The following COPG2 variants were observed in gnomAD, a reference collection of about 807,000 sequenced individuals.
The protein encoded by COPG2 is coatomer subunit gamma-2.
A neutral mutation model predicts 46.3 loss-of-function variants in COPG2; 37 were observed. The observed-to-expected ratio is 0.80, with a 90% confidence interval of 0.61 to 1.05. COPG2 has a LOEUF of 1.05. COPG2 is among the 50% of genes least tolerant of loss of function. The pLI is 0.00. For missense variants in COPG2, 427 were observed against 387.8 expected (o/e 1.10, Z -0.85); for synonymous variants, 159 against 129.7 (o/e 1.23, Z -1.53).
At chr7:130,545,419 T>C (rs1034447823) in intron 20 of COPG2, among the ~76,000 whole-genome samples, 25 of 152,264 alleles carry the variant, frequency 1.6e-4, no homozygotes, top group African/African-American at 5.8e-4. Context: ...ATGAGACATA[T>C]TGATGTTTAA....
chr7:130,611,141 G>A (rs1554452036), intron 8 of COPG2, 31 bp from the exon 9 acceptor site: 2 of 1,574,416 alleles, frequency 1.3e-6, no homozygotes, highest in Non-Finnish European at 8.7e-7. Context: ...GGTAGCACAT[G>A]GATTAGAAAG....
chr7:130,663,864 A>C (rs1474436184), intron 3 of COPG2, among the ~76,000 whole-genome samples: 3 of 148,020 alleles, frequency 2.0e-5, no homozygotes, highest in Non-Finnish European at 3.0e-5. Flanking sequence ...TCAGCCTCCC[A>C]AGTAGCTGTG....
chr7:130,568,035 T>C (rs1168934151), intron 9 of COPG2, among the ~76,000 whole-genome samples: 2 of 152,130 alleles, frequency 1.3e-5, no homozygotes, highest in African/African-American at 2.4e-5. Context: ...TCTCAGCACT[T>C]TGGGAGGCCG....
chr7:130,668,565 A>C (rs1438820772), intron 1 of COPG2, 67 bp downstream of exon 1: 1 of 1,420,336 alleles, frequency 7.0e-7, no homozygotes, highest in Non-Finnish European at 9.4e-7. Flanking sequence ...GCCTGAAAGC[A>C]GGTGGCGGCG....
chr7:130,540,356 A>C lies in COPG2; in HGVS notation c.2149+7318T>G, dbSNP rs1321375020. 1.4e-4 allele frequency among the ~76,000 whole-genome samples: 22 copies of C among 152,110 alleles called. No individual in the cohort carries two copies. The East Asian group carries it at 3.9e-3, about 27-fold the overall frequency. On this transcript the variant is annotated intron_variant, in intron 20 of 23. Transcript: ENST00000425248. ...TTTAGGAAACAACTGAGAACTCGGG[A>C]AACAAAGGGGGAAGTTTCTGCAGGC...
chr7:130,656,853 C>T (rs1247722871), intron 4 of COPG2, among the ~76,000 whole-genome samples: 1 of 151,714 alleles, frequency 6.6e-6, no homozygotes, highest in Non-Finnish European at 1.5e-5. Context: ...CTCAATAGTG[C>T]TATAATGTCC....
At chr7:130,555,978 G>A (rs1017151703) in intron 12 of COPG2, among the ~76,000 whole-genome samples, 5 of 152,196 alleles carry the variant, frequency 3.3e-5, no homozygotes, top group Non-Finnish European at 7.3e-5. Flanking sequence ...CTGGCTCAGC[G>A]ATGAAAGACA....
At chr7:130,629,693 G>A (rs1025784601) in intron 5 of COPG2, among the ~76,000 whole-genome samples, 5 of 151,992 alleles carry the variant, frequency 3.3e-5, no homozygotes, top group Admixed American at 1.3e-4. Flanking sequence ...ACCACGCCTA[G>A]CCCTTCTCCT....
At chr7:130,553,318 T>C (rs1269058685) in intron 14 of COPG2, among the ~76,000 whole-genome samples, 2 of 152,070 alleles carry the variant, frequency 1.3e-5, no homozygotes, top group East Asian at 1.9e-4. Flanking sequence ...AATTTGTACA[T>C]TTGAAAGTCC....
intron 9 of COPG2, among the ~76,000 whole-genome samples, chr7:130,570,989 C>T (rs532809771): frequency 7.9e-5 from 12 of 152,300 alleles, no homozygotes; most frequent in African/African-American, 2.6e-4. Flanking sequence ...GGCTAATTGG[C>T]TAGCCATGCG....
chr7:130,597,271 G>A (rs948590970), intron 9 of COPG2, among the ~76,000 whole-genome samples: 60 of 152,306 alleles, frequency 3.9e-4, no homozygotes, highest in African/African-American at 1.3e-3. Flanking sequence ...TGCCCACTTA[G>A]GGAGGTGGCC....
Position 130,507,678 on chromosome 7 carries a change from G to T in COPG2, c.2386+7C>A, listed in dbSNP as rs547267729. The stretch of plus-strand genomic sequence containing the variant: ...AGGCAATATACTGATAGCAAAATGG[G>T]TCTCACCTTCAAGGGTTTTGGTAGA... On this transcript the variant is annotated splice_region_variant and intron_variant, in intron 22 of 23. Transcript: ENST00000425248. 1.4e-5 allele frequency: 11 copies of T among 780,006 alleles called. No homozygotes were observed. The highest frequency in any genetic ancestry group is 1.3e-4 in the South Asian group (10 of 74,486). 48.3% of individuals were successfully genotyped at this position (780,006 alleles called of 1,614,324 possible).
At chr7:130,605,377 G>T (rs1794709295) in intron 9 of COPG2, 2 of 457,414 alleles carry the variant, frequency 4.4e-6, no homozygotes, top group Non-Finnish European at 8.5e-6. Flanking sequence ...CAAAGGAACT[G>T]TGCTGATATA....
intron 20 of COPG2, among the ~76,000 whole-genome samples, chr7:130,517,677 A>G (rs1443760146): frequency 6.6e-6 from 1 of 152,254 alleles, no homozygotes; most frequent in Non-Finnish European, 1.5e-5. Flanking sequence ...GTAAACCTCA[A>G]GAGTATAATG....
At chr7:130,524,409 G>A (rs1454148116) in intron 20 of COPG2, among the ~76,000 whole-genome samples, 2 of 152,292 alleles carry the variant, frequency 1.3e-5, no homozygotes, top group Non-Finnish European at 2.9e-5. Context: ...CAGGAGAAAC[G>A]ACCAACCTGC....
At chr7:130,647,037 ATTTAT>A (rs1795625780) in intron 5 of COPG2, among the ~76,000 whole-genome samples, 1 of 131,448 alleles carries the variant, frequency 7.6e-6, no homozygotes, top group East Asian at 2.1e-4. Flanking sequence ...GTATATATAT[ATTTAT>A]TTATTTATTT....
Position 130,550,536 on chromosome 7 carries a change from C to A in COPG2, c.1762G>T (p.Glu588Ter). ...SIPLAMAPVF[E>*]QKAEITLVAT... ...GAATAGAGTGAACCTGCTTTCTGTT[C>A]AAAGACAGGAGCCATAGCAAGAGGA... Residue 588 changes from glutamate (E) to a stop codon, truncating the protein, a stop_gained, in exon 17 of 24, where the codon GAA becomes TAA. Transcript: ENST00000425248. LOFTEE classifies it high-confidence loss of function. 2.6e-6 allele frequency: 1 copy of A among 385,164 alleles called. No homozygotes were observed. 23.9% of individuals were successfully genotyped at this position (385,164 alleles called of 1,614,324 possible).
chr7:130,639,460 C>T (rs1795418882), intron 5 of COPG2, among the ~76,000 whole-genome samples: 6 of 152,126 alleles, frequency 3.9e-5, no homozygotes, highest in Admixed American at 3.9e-4. Flanking sequence ...ATACCAACCC[C>T]AAAATGACAC....
intron 20 of COPG2, among the ~76,000 whole-genome samples, chr7:130,542,160 G>C (rs1211884300): frequency 7.3e-6 from 1 of 136,842 alleles, no homozygotes; most frequent in South Asian, 2.3e-4. Context: ...AAGAGCAAGA[G>C]TGTGGGTGTG....
Sources: gnomAD v4.1 joint callset for allele counts (sites outside exome capture counted in the v4.1 genomes callset) on GRCh38, gnomAD v4.1.1 for gene constraint, MANE v1.5 for transcripts, NCBI Gene and HGNC (gene_info 2026-07-23, HGNC 2026-07-21) for gene names.